GULP1: variants seen among roughly 807,000 people sequenced by gnomAD.
The protein encoded by GULP1 is GULP PTB domain containing engulfment adaptor 1, also known as PTB domain-containing engulfment adapter protein 1.
Under a neutral mutation model 40.9 loss-of-function variants are expected in GULP1, and 19 were observed. The ratio of observed to expected loss-of-function variants is 0.46; its 90% CI spans 0.32 to 0.68. GULP1 has a LOEUF of 0.68. Ranked by LOEUF, GULP1 falls within the 30% of genes least tolerant of loss-of-function variation. The pLI is 0.03. For synonymous variants in GULP1, 119 were observed against 117.6 expected, an observed-to-expected ratio of 1.01 and a Z score of -0.08; for missense variants, 312 against 362.2, an observed-to-expected ratio of 0.86 and a Z score of 1.12.
chr2:188,477,108 A>T (rs2061076504), intron 2 of GULP1, among the ~76,000 whole-genome samples: 1 of 152,138 alleles, frequency 6.6e-6, no homozygotes. Context: ...TATATCTAAG[A>T]CAAAGATTGT....
At chr2:188,344,209 A>G (rs1051297070) in intron 1 of GULP1, among the ~76,000 whole-genome samples, 3 of 152,206 alleles carry the variant, frequency 2.0e-5, no homozygotes, top group Non-Finnish European at 4.4e-5. Context: ...ATGAGGATAT[A>G]TGCTTGTTTG....
In GULP1 at chr2:188,402,553, T is replaced by A. The variant is rs193278964; in HGVS notation, c.-45+18664T>A. On this transcript the variant is annotated intron_variant, in intron 2 of 11. Coordinates refer to ENST00000409830, the MANE Select transcript of GULP1 (RefSeq NM_016315.4). Reference sequence around the variant, plus strand: ...AATTTTGATAGAAAAGAAACAAGCTTAGATTTCAATAGAGATTTGGAGTCT... The same window carrying A: ...AATTTTGATAGAAAAGAAACAAGCTAAGATTTCAATAGAGATTTGGAGTCT... Among the ~76,000 whole-genome samples, 311 of 152,100 alleles carry A rather than the reference T, an allele frequency of 2.0e-3. 3 individuals carry two copies. Among genetic ancestry groups the A allele is most frequent in the South Asian group, 4.1e-4 (2 of 4,830 alleles).
chr2:188,374,852 G>T (rs1316906824), intron 1 of GULP1, among the ~76,000 whole-genome samples: 1 of 152,090 alleles, frequency 6.6e-6, no homozygotes, highest in Non-Finnish European at 1.5e-5. Flanking sequence ...GGAAAGCATA[G>T]TGTATGTATA....
intron 1 of GULP1, among the ~76,000 whole-genome samples, chr2:188,329,273 AC>A (rs2041215789): frequency 6.6e-6 from 1 of 151,868 alleles, no homozygotes; most frequent in African/African-American, 2.4e-5. Context: ...TCCCTCTTGT[AC>A]CCTTGTAAAC....
chr2:188,482,106 C>T (rs1464662684), intron 3 of GULP1, among the ~76,000 whole-genome samples: 1 of 151,782 alleles, frequency 6.6e-6, no homozygotes, highest in Admixed American at 6.6e-5. Context: ...CTCTAGTAGT[C>T]AGAAATAGAC....
chr2:188,541,102 T>C lies in GULP1; in HGVS notation c.262-79T>C, dbSNP rs574375637. The C allele has an allele frequency of 5.0e-6, 6 of 1,197,380 alleles. No homozygotes were observed. The East Asian group carries it at 1.4e-4, about 28-fold the overall frequency. 74.2% of individuals were successfully genotyped at this position (1,197,380 alleles called of 1,614,324 possible). A position where few individuals can be genotyped will look rare whatever the true frequency, so the allele number is the denominator to read the frequency against. ...TGATTGTTCTACTTTTAAAGTCACA[T>C]GTTATTAACACAAACGAGTATTTCA... On this transcript the variant is annotated intron_variant, in intron 6 of 11. Transcript: ENST00000409830.
intron 1 of GULP1, among the ~76,000 whole-genome samples, chr2:188,348,344 A>T (rs1056457084): frequency 6.6e-6 from 1 of 152,226 alleles, no homozygotes; most frequent in Non-Finnish European, 1.5e-5. Flanking sequence ...TAACTGAAGC[A>T]CTGGCCTTTT....
intron 1 of GULP1, among the ~76,000 whole-genome samples, chr2:188,333,520 C>T (rs1023312434): frequency 5.9e-5 from 9 of 152,102 alleles, no homozygotes; most frequent in African/African-American, 2.2e-4. Flanking sequence ...ATCTCTTAAT[C>T]TGTAAACTCT....
chr2:188,381,763 C>A (rs1024267153), intron 1 of GULP1, among the ~76,000 whole-genome samples: 22 of 152,064 alleles, frequency 1.4e-4, no homozygotes, highest in Admixed American at 1.4e-3. Flanking sequence ...GAAATTATGA[C>A]ATGGTTTTAT....
At chr2:188,322,967 C>G (rs1202826141) in intron 1 of GULP1, among the ~76,000 whole-genome samples, 1 of 152,098 alleles carries the variant, frequency 6.6e-6, no homozygotes, top group East Asian at 1.9e-4. Flanking sequence ...ATTTGCTCTA[C>G]CATCTGCACT....
At chr2:188,363,880 T>C (rs560312809) in intron 1 of GULP1, among the ~76,000 whole-genome samples, 269 of 152,272 alleles carry the variant, frequency 1.8e-3, no homozygotes, top group African/African-American at 6.3e-3. Flanking sequence ...CTTTAAGAGC[T>C]AACCAGTGGC....
chr2:188,335,856 A>G (rs529694753), intron 1 of GULP1, among the ~76,000 whole-genome samples: 1 of 152,292 alleles, frequency 6.6e-6, no homozygotes, highest in East Asian at 1.9e-4. Flanking sequence ...GGCATAAAGC[A>G]GAATTTTGGT....
chr2:188,411,650 C>T (rs1293697137), intron 2 of GULP1, among the ~76,000 whole-genome samples: 3 of 152,196 alleles, frequency 2.0e-5, no homozygotes, highest in African/African-American at 4.8e-5. Context: ...AGAATTTCAT[C>T]CACATACCTC....
intron 1 of GULP1, among the ~76,000 whole-genome samples, chr2:188,340,913 C>A (rs191126880): frequency 5.9e-5 from 9 of 152,266 alleles, no homozygotes; most frequent in Admixed American, 4.6e-4. Flanking sequence ...CAAGCCGTCT[C>A]TCTGAAATCA....
rs947275625 is a variant in GULP1 at position 188,389,558 on chromosome 2, T to G, written c.-45+5669T>G. ...GTGTAATGGATAGGAAAAGTGTCCTTACCTCCTAGAGGTACCTTATATATT... is the reference window on the plus strand; with the variant it reads ...GTGTAATGGATAGGAAAAGTGTCCTGACCTCCTAGAGGTACCTTATATATT... On this transcript the variant is annotated intron_variant, in intron 2 of 11. Coordinates refer to ENST00000409830, the MANE Select transcript of GULP1 (RefSeq NM_016315.4). Among the ~76,000 whole-genome samples, 74 of 152,256 alleles carry G rather than the reference T, an allele frequency of 4.9e-4. 1 individual carries two copies. The Middle Eastern group carries it at 0.01, about 21-fold the overall frequency.
chr2:188,485,429 T>C (rs1470110392), intron 4 of GULP1, among the ~76,000 whole-genome samples: 1 of 152,076 alleles, frequency 6.6e-6, no homozygotes, highest in Non-Finnish European at 1.5e-5. Flanking sequence ...ATTGTATGTG[T>C]ACCAAGTAGC....
chr2:188,510,663 A>G (rs1458224371), intron 4 of GULP1, among the ~76,000 whole-genome samples: 2 of 152,116 alleles, frequency 1.3e-5, no homozygotes, highest in Non-Finnish European at 2.9e-5. Flanking sequence ...ACAAAGAGAT[A>G]TATTATATGT....
chr2:188,351,150 G>A (rs576772416), intron 1 of GULP1, among the ~76,000 whole-genome samples: 3 of 152,112 alleles, frequency 2.0e-5, no homozygotes, highest in Admixed American at 6.5e-5. Flanking sequence ...TATAGTTTGA[G>A]TAGGACTTAA....
intron 2 of GULP1, among the ~76,000 whole-genome samples, chr2:188,410,890 A>G (rs1472828712): frequency 3.9e-5 from 6 of 152,228 alleles, no homozygotes; most frequent in Non-Finnish European, 7.3e-5. Flanking sequence ...GGCTGAAGGC[A>G]GCCTAATCCT....
Sources: allele counts gnomAD v4.1 joint callset (sites outside exome capture counted in the v4.1 genomes callset), GRCh38; gene constraint gnomAD v4.1.1; transcripts MANE v1.5; gene names NCBI Gene and HGNC (gene_info 2026-07-23, HGNC 2026-07-21).